Variants in MYRIP observed in about 807,000 individuals in gnomAD.
The protein encoded by MYRIP is rab effector MyRIP.
A neutral mutation model predicts 98.0 loss-of-function variants in MYRIP; 49 were observed. The ratio of observed to expected loss-of-function variants is 0.50; its 90% CI spans 0.40 to 0.63. MYRIP has a LOEUF of 0.63. Among genes scored for constraint, MYRIP ranks in the 30% least tolerant of loss-of-function variants. The pLI, the probability that MYRIP is intolerant of heterozygous loss-of-function variation, is 0.00. For missense variants in MYRIP, 1,004 were observed against 1,058.2 expected (o/e 0.95, Z 0.71); for synonymous variants, 404 against 409.5 (o/e 0.99, Z 0.16).
intron 2 of MYRIP, among the ~76,000 whole-genome samples, chr3:40,021,979 T>A (rs755336731): frequency 5.3e-5 from 8 of 152,236 alleles, no homozygotes; most frequent in South Asian, 2.1e-4. Context: ...TTTTGCCTTA[T>A]GCAAGATCCA....
At chr3:40,202,802 C>T (rs902103076) in intron 10 of MYRIP, among the ~76,000 whole-genome samples, 1 of 152,138 alleles carries the variant, frequency 6.6e-6, no homozygotes, top group African/African-American at 2.4e-5. Context: ...ATCCCGTGCA[C>T]AGTGCCCTGT....
At chr3:40,194,153 G>T (rs545178036) in intron 10 of MYRIP, among the ~76,000 whole-genome samples, 1 of 152,010 alleles carries the variant, frequency 6.6e-6, no homozygotes, top group South Asian at 2.1e-4. Context: ...ATTTGCAAGG[G>T]TTAAGGATTT....
chr3:40,156,560 T>C (rs1575582742), intron 4 of MYRIP, among the ~76,000 whole-genome samples: 1 of 152,076 alleles, frequency 6.6e-6, no homozygotes, highest in Admixed American at 6.6e-5. Flanking sequence ...GGGGATGGCA[T>C]TGAATCTGTA....
At chr3:40,067,900 A>G (rs1305831118) in intron 3 of MYRIP, among the ~76,000 whole-genome samples, 1 of 152,152 alleles carries the variant, frequency 6.6e-6, no homozygotes, top group Non-Finnish European at 1.5e-5. Context: ...CATATTTTAA[A>G]TGGTAATGTC....
At chr3:40,250,369 T>G in intron 14 of MYRIP, 43 bp downstream of exon 14, 1 of 1,613,172 alleles carries the variant, frequency 6.2e-7, no homozygotes, top group South Asian at 1.1e-5. Flanking sequence ...GTTACATGGC[T>G]TGGAAAATTT....
chr3:40,162,839 T>C (rs1950425869), intron 5 of MYRIP, 29 bp downstream of exon 5: 1 of 1,599,614 alleles, frequency 6.3e-7, no homozygotes, highest in Non-Finnish European at 8.6e-7. Flanking sequence ...TTACAGCTAC[T>C]GGGAAGTTGG....
At chr3:40,011,970 ATATATACTTAC>A (rs1488316370) in intron 2 of MYRIP, among the ~76,000 whole-genome samples, 1 of 152,214 alleles carries the variant, frequency 6.6e-6, no homozygotes, top group African/African-American at 2.4e-5. Context: ...ATACATCATA[ATATATACTTAC>A]TTATAAACAC....
chr3:40,185,080 C>T (rs1950991149), intron 9 of MYRIP, among the ~76,000 whole-genome samples: 1 of 152,124 alleles, frequency 6.6e-6, no homozygotes, highest in Non-Finnish European at 1.5e-5. Context: ...TGGGCAGAAA[C>T]ATCAAATAGA....
chr3:40,134,966 A>T (rs1229202696), intron 3 of MYRIP, among the ~76,000 whole-genome samples: 1 of 152,194 alleles, frequency 6.6e-6, no homozygotes, highest in Non-Finnish European at 1.5e-5. Context: ...AACTCTAAAA[A>T]TCAGAGCACC....
At chr3:40,088,986 A>G (rs1301693635) in intron 3 of MYRIP, among the ~76,000 whole-genome samples, 3 of 151,534 alleles carry the variant, frequency 2.0e-5, no homozygotes, top group African/African-American at 7.3e-5. Flanking sequence ...AGATCTAGGC[A>G]TGCAGAGGGT....
rs1229944003 is a variant in MYRIP at position 40,189,898 on chromosome 3, G to T, written c.1100G>T (p.Arg367Leu). Residue 367 changes from arginine (R) to leucine (L), a missense_variant, in exon 10 of 17, where the codon CGA becomes CTA. Around this residue, in one of 3 missense-constraint regions of MYRIP, gnomAD observed 880 missense variants for 907.7 expected, o/e 0.97. Transcript: ENST00000302541. ...AAGGATGGCGCTCCACCCCCCACCC[G>T]ACTACTGGCCAAACCTAAGAGCGGG... The part of the protein sequence containing the change: ...ALKDGAPPPT[R>L]LLAKPKSGTF... 14 of 1,614,028 alleles carry T rather than the reference G, an allele frequency of 8.7e-6. No individual in the cohort carries two copies. Among genetic ancestry groups the T allele is most frequent in the Non-Finnish European group, 4.2e-6 (5 of 1,180,024 alleles).
chr3:39,881,795 T>G (rs865899076), intron 1 of MYRIP, among the ~76,000 whole-genome samples: 1 of 152,164 alleles, frequency 6.6e-6, no homozygotes. Context: ...GCATTTCTAC[T>G]CTGTAAGCTT....
At chr3:39,979,877 G>GA (rs1391595166) in intron 2 of MYRIP, among the ~76,000 whole-genome samples, 1 of 152,090 alleles carries the variant, frequency 6.6e-6, no homozygotes, top group Non-Finnish European at 1.5e-5. Context: ...CTTTTGTAAT[G>GA]AAAAATAAAG....
At chr3:39,919,130 C>A (rs1402161751) in intron 2 of MYRIP, among the ~76,000 whole-genome samples, 4 of 152,184 alleles carry the variant, frequency 2.6e-5, no homozygotes, top group Non-Finnish European at 5.9e-5. Flanking sequence ...TTTTGGTTTT[C>A]TTCACGTGCG....
intron 3 of MYRIP, among the ~76,000 whole-genome samples, chr3:40,128,206 C>T (rs995330197): frequency 2.6e-5 from 4 of 152,142 alleles, no homozygotes; most frequent in Non-Finnish European, 4.4e-5. Context: ...GGCTTACATA[C>T]AGGGGAGAGA....
chr3:40,183,407 A>G (rs937589078), intron 9 of MYRIP, among the ~76,000 whole-genome samples: 4 of 152,218 alleles, frequency 2.6e-5, no homozygotes, highest in African/African-American at 9.6e-5. Flanking sequence ...GCCTCTTTAG[A>G]GACTCTTCAA....
At chr3:39,882,734 A>G (rs1243154308) in intron 1 of MYRIP, among the ~76,000 whole-genome samples, 1 of 152,122 alleles carries the variant, frequency 6.6e-6, no homozygotes, top group Non-Finnish European at 1.5e-5. Context: ...TAAATATGCA[A>G]TGTGCTTAAA....
chr3:39,978,012 A>AG (rs1945798618), intron 2 of MYRIP, among the ~76,000 whole-genome samples: 1 of 44,062 alleles, frequency 2.3e-5, no homozygotes, highest in Admixed American at 1.9e-4. Flanking sequence ...ATTTATCAAC[A>AG]AAAAAAAAGA....
chr3:40,125,196 A>G (rs981501895), intron 3 of MYRIP, among the ~76,000 whole-genome samples: 9 of 152,244 alleles, frequency 5.9e-5, no homozygotes, highest in African/African-American at 2.2e-4. Context: ...GCTCTGTAAT[A>G]GAGTTCTCTA....
Sources: gnomAD v4.1 joint callset for allele counts (sites outside exome capture counted in the v4.1 genomes callset) on GRCh38, gnomAD v4.1.1 for gene constraint, gnomAD v4.1.1 regional missense constraint, MANE v1.5 for transcripts, NCBI Gene and HGNC (gene_info 2026-07-23, HGNC 2026-07-21) for gene names.